The following SHISA6 variants were observed in gnomAD, a reference collection of about 807,000 sequenced individuals.
SHISA6 encodes the protein shisa family member 6.
SHISA6 carries 22 observed loss-of-function variants against 47.9 expected under a neutral mutation model. The ratio of observed to expected loss-of-function variants is 0.46; its 90% CI spans 0.33 to 0.66. The LOEUF (loss-of-function observed/expected upper bound fraction) is 0.66. SHISA6 is among the 30% of genes least tolerant of loss of function. The probability of loss-of-function intolerance (pLI) is 0.02; values close to 1 mark genes in which losing one functional copy is unlikely to be tolerated. For synonymous variants in SHISA6, 388 were observed against 337.8 expected (o/e 1.15, Z -1.63); for missense variants, 680 against 764.6 (o/e 0.89, Z 1.30).
chr17:11,395,692 A>G (rs2142259582), intron 3 of SHISA6, among the ~76,000 whole-genome samples: 1 of 151,554 alleles, frequency 6.6e-6, no homozygotes, highest in South Asian at 2.1e-4. Flanking sequence ...TAATTTTTGT[A>G]TTTATAGTAG....
chr17:11,391,150 G>A (rs1203659484), intron 3 of SHISA6, among the ~76,000 whole-genome samples: 1 of 152,182 alleles, frequency 6.6e-6, no homozygotes, highest in African/African-American at 2.4e-5. Context: ...AAATGCAGAT[G>A]TGTGGGGCCA....
chr17:11,365,141 A>C (rs978203169), intron 2 of SHISA6, among the ~76,000 whole-genome samples: 1 of 152,202 alleles, frequency 6.6e-6, no homozygotes, highest in African/African-American at 2.4e-5. Context: ...ATAAATACTT[A>C]GTATTAAATA....
intron 3 of SHISA6, among the ~76,000 whole-genome samples, chr17:11,414,260 T>C (rs1914217282): frequency 6.6e-6 from 1 of 152,174 alleles, no homozygotes. Flanking sequence ...CAAAACAGTA[T>C]TGGGACACAC....
At chr17:11,279,141 A>G (rs1474990702) in intron 2 of SHISA6, among the ~76,000 whole-genome samples, 1 of 152,196 alleles carries the variant, frequency 6.6e-6, no homozygotes, top group Non-Finnish European at 1.5e-5. Context: ...ATTATTTGCA[A>G]GAGTCCTGGG....
chr17:11,412,980 G>A (rs935706295), intron 3 of SHISA6, among the ~76,000 whole-genome samples: 3 of 152,170 alleles, frequency 2.0e-5, no homozygotes, highest in Non-Finnish European at 4.4e-5. Context: ...ATTGTAATGA[G>A]GATCCTGCCA....
chr17:11,418,453 G>A (rs1914351005), intron 3 of SHISA6, among the ~76,000 whole-genome samples: 3 of 151,540 alleles, frequency 2.0e-5, no homozygotes, highest in Non-Finnish European at 4.4e-5. Flanking sequence ...TTTTCATTCT[G>A]CACCCTGCCC....
chr17:11,272,124 T>A (rs1298205900), intron 2 of SHISA6, among the ~76,000 whole-genome samples: 1 of 152,172 alleles, frequency 6.6e-6, no homozygotes, highest in Non-Finnish European at 1.5e-5. Flanking sequence ...TGGGGGGTTC[T>A]GGGAACAGCT....
At chr17:11,440,308 G>C (rs1915060329) in intron 3 of SHISA6, among the ~76,000 whole-genome samples, 1 of 152,164 alleles carries the variant, frequency 6.6e-6, no homozygotes, top group Non-Finnish European at 1.5e-5. Flanking sequence ...AAGCCATCCA[G>C]TGACTTTTAG....
At chr17:11,287,289 G>A (rs1014756085) in intron 2 of SHISA6, among the ~76,000 whole-genome samples, 4 of 130,124 alleles carry the variant, frequency 3.1e-5, no homozygotes, top group South Asian at 4.5e-4. Flanking sequence ...AGGAAGGAAA[G>A]GAAGGAAGGA....
chr17:11,429,969 A>G (rs1335325767), intron 3 of SHISA6, among the ~76,000 whole-genome samples: 2 of 152,070 alleles, frequency 1.3e-5, no homozygotes, highest in Admixed American at 6.6e-5. Flanking sequence ...CAGGTATTTG[A>G]ATTGGAAAAG....
intron 2 of SHISA6, among the ~76,000 whole-genome samples, chr17:11,374,452 T>C (rs1912726074): frequency 6.7e-6 from 1 of 149,668 alleles, no homozygotes; most frequent in Non-Finnish European, 1.5e-5. Context: ...TATGTGACAG[T>C]TTTTAGTGTG....
intron 2 of SHISA6, among the ~76,000 whole-genome samples, chr17:11,278,797 A>G (rs1909020243): frequency 6.6e-6 from 1 of 152,180 alleles, no homozygotes; most frequent in Non-Finnish European, 1.5e-5. Flanking sequence ...TAGATCTGTG[A>G]TGAAATAGAT....
intron 3 of SHISA6, among the ~76,000 whole-genome samples, chr17:11,472,233 A>C (rs571965003): frequency 6.2e-4 from 94 of 152,106 alleles, no homozygotes; most frequent in South Asian, 1.3e-3. Flanking sequence ...TATACATTTA[A>C]GCTTCTTCCA....
chr17:11,409,299 C>G (rs923784597), intron 3 of SHISA6, among the ~76,000 whole-genome samples: 2 of 152,110 alleles, frequency 1.3e-5, no homozygotes, highest in Admixed American at 6.5e-5. Flanking sequence ...TCCCCACTTT[C>G]CCCCCCAAAA....
At chr17:11,523,985 C>CAACA (rs1381404989) in intron 3 of SHISA6, among the ~76,000 whole-genome samples, 1 of 139,830 alleles carries the variant, frequency 7.2e-6, no homozygotes, top group African/African-American at 2.7e-5. Context: ...CCAGCCTAGG[C>CAACA]AACAAGAGTG....
At position 11,241,520 on chromosome 17, in the gene SHISA6, G is replaced by T. The variant is rs1329301015; in HGVS notation, c.98G>T (p.Arg33Leu). The T allele has an allele frequency of 3.1e-5, 35 of 1,130,000 alleles. No individual in the cohort carries two copies. Among genetic ancestry groups the T allele is most frequent in the Middle Eastern group, 3.9e-4 (1 of 2,538 alleles). 70.0% of individuals were successfully genotyped at this position (1,130,000 alleles called of 1,614,324 possible). A position where few individuals can be genotyped will look rare whatever the true frequency, so the allele number is the denominator to read the frequency against. The change falls in exon 1 of 6, where the codon CGG becomes CTG. Residue 33 changes from arginine to leucine, a missense_variant. By Grantham distance (102) the Arg-to-Leu change is moderately radical (BLOSUM62 -2). Around this residue, in one of 2 missense-constraint regions of SHISA6, gnomAD observed 121 missense variants for 90.5 expected, o/e 1.34. Coordinates refer to ENST00000441885, the MANE Select transcript of SHISA6 (RefSeq NM_207386.4). This position sits in a 1 kb window ranked among gnomAD's most constrained non-coding sequence, Gnocchi z 5.5. Reference protein sequence around the residue: ...VHGARGRAANRTLSAGGAAVG... With the variant: ...VHGARGRAANLTLSAGGAAVG... ...GGAGCCCGCGGCCGCGCCGCCAACC[G>T]GACCCTGAGTGCAGGCGGCGCTGCC...
intron 3 of SHISA6, among the ~76,000 whole-genome samples, chr17:11,461,405 A>AC (rs1418890971): frequency 3.1e-4 from 46 of 148,334 alleles, no homozygotes; most frequent in African/African-American, 1.2e-3. Context: ...TCAAAAAAAA[A>AC]AAAAAAAAAA....
At chr17:11,300,320 C>T (rs547787388) in intron 2 of SHISA6, among the ~76,000 whole-genome samples, 37 of 152,176 alleles carry the variant, frequency 2.4e-4, no homozygotes, top group African/African-American at 4.8e-4. Context: ...ACCACTGTGC[C>T]GTACTGACTT....
intron 3 of SHISA6, among the ~76,000 whole-genome samples, chr17:11,535,232 G>A (rs761277023): frequency 5.9e-5 from 9 of 152,144 alleles, no homozygotes; most frequent in Non-Finnish European, 1.0e-4. Context: ...ATGTCCATAC[G>A]GCCAGGAGTC....
Sources: gnomAD v4.1 joint callset for allele counts (sites outside exome capture counted in the v4.1 genomes callset) on GRCh38, gnomAD v4.1.1 for gene constraint, gnomAD v4.1.1 regional missense constraint, Gnocchi (gnomAD v3.1) non-coding constraint, MANE v1.5 for transcripts, NCBI Gene and HGNC (gene_info 2026-07-23, HGNC 2026-07-21) for gene names.